MROH1: variants seen among roughly 807,000 people sequenced by gnomAD.
MROH1 encodes maestro heat-like repeat-containing protein family member 1.
Under a neutral mutation model 116.5 loss-of-function variants are expected in MROH1, and 117 were observed. That is an observed-to-expected ratio of 1.00 (90% CI 0.86 to 1.17). The LOEUF (loss-of-function observed/expected upper bound fraction) is 1.17. Ranked by LOEUF, MROH1 falls within the 50% of genes most tolerant of loss-of-function variation. The pLI, the probability that MROH1 is intolerant of heterozygous loss-of-function variation, is 0.00. For missense variants in MROH1, 1,873 were observed against 1,338.5 expected (o/e 1.40, Z -6.23); for synonymous variants, 921 against 583.9 (o/e 1.58, Z -8.32).
intron 14 of MROH1, among the ~76,000 whole-genome samples, chr8:144,236,599 C>T (rs1840076852): frequency 1.3e-5 from 2 of 151,546 alleles, no homozygotes; most frequent in South Asian, 4.2e-4. Context: ...AAAATTTAGC[C>T]AGGTATGGTG....
At position 144,236,389 on chromosome 8, in the gene MROH1, A is replaced by G. The variant is rs1471443178; in HGVS notation, c.1339-2367A>G. 4.0e-5 allele frequency among the ~76,000 whole-genome samples: 6 copies of G among 149,766 alleles called. No individual in the cohort carries two copies. The East Asian group carries it at 1.2e-3, about 29-fold the overall frequency. On this transcript the variant is annotated intron_variant, in intron 14 of 43. Transcript: ENST00000326134. ...TTGCTGTTTCTGCCTTGTAATAAAT[A>G]AGTAGTTTGTAGGGAGATCTTTGGG...
At chr8:144,229,414 C>T (rs1335243958) in intron 14 of MROH1, among the ~76,000 whole-genome samples, 1 of 140,584 alleles carries the variant, frequency 7.1e-6, no homozygotes, top group Non-Finnish European at 1.5e-5. Context: ...AATAGGGTCT[C>T]ACTCTGTGAC....
chr8:144,158,784 G>A (rs1057215031), intron 1 of MROH1, among the ~76,000 whole-genome samples: 6 of 150,768 alleles, frequency 4.0e-5, no homozygotes, highest in Non-Finnish European at 5.9e-5. Flanking sequence ...CACTCCTGTC[G>A]CTGAGGCTGG....
chr8:144,151,084 C>A (rs1816629289), intron 1 of MROH1, among the ~76,000 whole-genome samples: 2 of 151,762 alleles, frequency 1.3e-5, no homozygotes, highest in African/African-American at 4.8e-5. Flanking sequence ...CCCGTCTCCA[C>A]TAAAAATACA....
intron 13 of MROH1, among the ~76,000 whole-genome samples, chr8:144,220,904 C>A (rs1316248500): frequency 6.6e-6 from 1 of 152,182 alleles, no homozygotes; most frequent in African/African-American, 2.4e-5. Flanking sequence ...CAGTTATAGG[C>A]CCGCGGGTCC....
rs1844711669 is a variant in MROH1, at chr8:144,260,058, G to A, written c.4191+1G>A. The stretch of plus-strand genomic sequence containing the variant: ...CCTGGCCTCCGGCTGCCCTGACAAG[G>A]TGGGGTGGCCACCAGCCCCTCTGGG... On this transcript the variant is annotated splice_donor_variant, in intron 38 of 43. Coordinates refer to ENST00000326134, the MANE Select transcript of MROH1 (RefSeq NM_032450.3). LOFTEE classifies it high-confidence loss of function. 5.5e-6 allele frequency: 4 copies of A among 726,742 alleles called. No individual in the cohort carries two copies. The highest frequency in any genetic ancestry group is 1.0e-5 in the Non-Finnish European group (4 of 399,398). 45.0% of individuals were successfully genotyped at this position (726,742 alleles called of 1,614,324 possible). A position where few individuals can be genotyped will look rare whatever the true frequency, so the allele number is the denominator to read the frequency against.
chr8:144,218,212 C>T (rs1835703050), intron 12 of MROH1, among the ~76,000 whole-genome samples: 1 of 152,130 alleles, frequency 6.6e-6, no homozygotes, highest in African/African-American at 2.4e-5. Context: ...TGTCAGAGCT[C>T]CTCTGGTGCA....
At chr8:144,178,548 C>T (rs1286401666) in intron 4 of MROH1, among the ~76,000 whole-genome samples, 4 of 152,114 alleles carry the variant, frequency 2.6e-5, no homozygotes, top group African/African-American at 7.2e-5. Flanking sequence ...AGATTACAGG[C>T]GTGAGCCACC....
intron 17 of MROH1, 31 bp from the exon 18 acceptor site, chr8:144,239,583 C>T: frequency 1.3e-6 from 1 of 769,890 alleles, no homozygotes; most frequent in Non-Finnish European, 2.4e-6. Context: ...GCTCCCTGCT[C>T]AGACCCGGCT....
At chr8:144,203,931 G>A (rs907705566) in intron 12 of MROH1, among the ~76,000 whole-genome samples, 2 of 152,088 alleles carry the variant, frequency 1.3e-5, no homozygotes, top group African/African-American at 2.4e-5. Context: ...GCTTTTCAGC[G>A]TTCACTTTGT....
Position 144,260,956 on chromosome 8 carries a change from A to C in MROH1, c.4586A>C (p.Glu1529Ala). The change falls in exon 41 of 44, where the codon GAG (glutamate) becomes GCG (alanine). Residue 1529 changes from glutamate (E) to alanine (A), a missense_variant. Glu to Ala is a moderately radical substitution (Grantham distance 107, BLOSUM62 -1). Transcript: ENST00000326134. ...TGTGGCCCCAATCTGGCATGTGAGG[A>C]GCTCTCAGCTGCTTTCCAGAAACAC... The part of the protein sequence containing the change: ...RMCGPNLACE[E>A]LSAAFQKHLQ... 1.3e-6 allele frequency: 1 copy of C among 777,348 alleles called. No homozygotes were observed. Among genetic ancestry groups the C allele is most frequent in the South Asian group, 1.3e-5 (1 of 74,540 alleles). 48.2% of individuals were successfully genotyped at this position (777,348 alleles called of 1,614,324 possible).
intron 8 of MROH1, 42 bp downstream of exon 8, chr8:144,190,977 C>G (rs1329639655): frequency 1.9e-6 from 3 of 1,573,670 alleles, no homozygotes; most frequent in Non-Finnish European, 2.6e-6. Context: ...GATGCCAGGG[C>G]TCTCTCCTCC....
intron 8 of MROH1, among the ~76,000 whole-genome samples, chr8:144,191,466 G>T (rs1204766490): frequency 6.6e-6 from 1 of 152,122 alleles, no homozygotes; most frequent in African/African-American, 2.4e-5. Flanking sequence ...TTTTCCTTCT[G>T]CCCAGAGGCC....
Position 144,246,213 on chromosome 8 carries a change from A to G in MROH1, c.2871+953A>G, listed in dbSNP as rs938426714. On this transcript the variant is annotated intron_variant, in intron 29 of 43. Coordinates refer to ENST00000326134, the MANE Select transcript of MROH1 (RefSeq NM_032450.3). ...AACCTCCGCCTCCTGGGTTCAAGCG[A>G]TTCTCCTGCCCCAGCCTCCCGAGTA... 9.7e-3 allele frequency among the ~76,000 whole-genome samples: 1,465 copies of G among 151,130 alleles called. 21 individuals are homozygous for G. The highest frequency in any genetic ancestry group is 0.034 in the African/African-American group (1,391 of 41,088).
intron 1 of MROH1, 149 bp downstream of exon 1, chr8:144,148,225 C>A (rs1245811350): frequency 6.6e-6 from 1 of 152,404 alleles, no homozygotes; most frequent in Non-Finnish European, 1.5e-5. Context: ...AGGGCGAACG[C>A]TGGGAGGGTC....
chr8:144,231,338 G>C (rs922173513), intron 14 of MROH1, among the ~76,000 whole-genome samples: 1 of 152,074 alleles, frequency 6.6e-6, no homozygotes, highest in African/African-American at 2.4e-5. Context: ...CCTCCCAGAC[G>C]GGGTGGTGGC....
chr8:144,214,139 C>T (rs1297430096), intron 12 of MROH1: 1 of 152,264 alleles, frequency 6.6e-6, no homozygotes, highest in African/African-American at 2.4e-5. Flanking sequence ...TCCTTGGCCA[C>T]ACTCGGCTGC....
chr8:144,255,420 G>C, intron 34 of MROH1, 89 bp from the exon 35 acceptor site: 1 of 718,134 alleles, frequency 1.4e-6, no homozygotes, highest in Non-Finnish European at 2.6e-6. Flanking sequence ...CATGATGCAG[G>C]CGAAGGGGGA....
At chr8:144,230,854 A>G (rs1408159493) in intron 14 of MROH1, among the ~76,000 whole-genome samples, 6 of 116,604 alleles carry the variant, frequency 5.1e-5, no homozygotes, top group Admixed American at 1.1e-4. Flanking sequence ...TGTTTCTCGC[A>G]GAGGGGGATT....
Sources: gnomAD v4.1 joint callset for allele counts (sites outside exome capture counted in the v4.1 genomes callset) on GRCh38, gnomAD v4.1.1 for gene constraint, MANE v1.5 for transcripts, NCBI Gene and HGNC (gene_info 2026-07-23, HGNC 2026-07-21) for gene names.